Variants in ZBBX observed in about 807,000 individuals in gnomAD.
ZBBX encodes the protein zinc finger B-box domain-containing protein 1.
ZBBX carries 101 observed loss-of-function variants against 108.5 expected under a neutral mutation model. The ratio of observed to expected loss-of-function variants is 0.93; its 90% CI spans 0.79 to 1.10. The LOEUF (loss-of-function observed/expected upper bound fraction) is 1.10. Ranked by LOEUF, ZBBX falls within the 50% of genes least tolerant of loss-of-function variation. The pLI is 0.00. For synonymous variants in ZBBX, 356 were observed against 323.4 expected, an observed-to-expected ratio of 1.10 and a Z score of -1.08; for missense variants, 1,009 against 941.4, an observed-to-expected ratio of 1.07 and a Z score of -0.94.
At chr3:167,320,162 T>C (rs1037734443) in intron 12 of ZBBX, among the ~76,000 whole-genome samples, 36 of 145,638 alleles carry the variant, frequency 2.5e-4, no homozygotes, top group South Asian at 8.6e-4. Context: ...CAGTATTTTT[T>C]AGAAAAACAA....
chr3:167,340,101 C>A (rs934667759), intron 9 of ZBBX, among the ~76,000 whole-genome samples: 16 of 151,970 alleles, frequency 1.1e-4, no homozygotes, highest in Admixed American at 2.6e-4. Flanking sequence ...TCCAAAGAAA[C>A]CTGTACAGAT....
chr3:167,223,739 T>C, the ZBBX span, among the ~76,000 whole-genome samples: 1 of 152,054 alleles, frequency 6.6e-6, no homozygotes, highest in South Asian at 2.1e-4. Flanking sequence ...TTTATGTTTT[T>C]TCTGGTCCAG....
chr3:167,233,665 G>A, the ZBBX span, among the ~76,000 whole-genome samples: 1 of 151,728 alleles, frequency 6.6e-6, no homozygotes, highest in Non-Finnish European at 1.5e-5. Context: ...TCTTGAGTGG[G>A]TATCTCTACT....
At chr3:167,192,384 C>A in the ZBBX span, among the ~76,000 whole-genome samples, 1 of 152,010 alleles carries the variant, frequency 6.6e-6, no homozygotes, top group Non-Finnish European at 1.5e-5. Flanking sequence ...TCAGTGAGAC[C>A]TTTGCTGGGT....
chr3:167,345,410 G>T (rs12495122), intron 9 of ZBBX, among the ~76,000 whole-genome samples: 52,765 of 151,588 alleles, frequency 0.35, 9,862 homozygotes, highest in Non-Finnish European at 0.42. Context: ...TAAGAAATAA[G>T]TTAAAAATAT....
intron 18 of ZBBX, 83 bp downstream of exon 18, chr3:167,298,222 A>G: frequency 1.8e-6 from 2 of 1,134,128 alleles, no homozygotes; most frequent in Non-Finnish European, 2.4e-6. Context: ...CAAGAAGAAA[A>G]TGATTTTATC....
intron 1 of ZBBX, among the ~76,000 whole-genome samples, chr3:167,402,741 A>G (rs1409047121): frequency 6.6e-6 from 1 of 151,830 alleles, no homozygotes; most frequent in Non-Finnish European, 1.5e-5. Flanking sequence ...TAAAATAAGT[A>G]AGAAAAATTA....
the ZBBX span, among the ~76,000 whole-genome samples, chr3:167,196,536 C>T: frequency 6.6e-6 from 1 of 152,110 alleles, no homozygotes; most frequent in Non-Finnish European, 1.5e-5. Context: ...CTTATTTAAG[C>T]AGATGATTCT....
downstream of ZBBX, among the ~76,000 whole-genome samples, chr3:167,235,888 A>G (rs1424210541): frequency 6.6e-6 from 1 of 151,646 alleles, no homozygotes; most frequent in East Asian, 1.9e-4. Context: ...ACTAACAAAG[A>G]ATTATGTCTT....
chr3:167,402,415 T>A (rs774166483), intron 1 of ZBBX, among the ~76,000 whole-genome samples: 26 of 152,094 alleles, frequency 1.7e-4, no homozygotes, highest in Non-Finnish European at 1.3e-4. Context: ...CTTGGTGAAA[T>A]CTGAACAATC....
intron 8 of ZBBX, among the ~76,000 whole-genome samples, chr3:167,358,980 T>A (rs1436715983): frequency 6.8e-6 from 1 of 146,364 alleles, no homozygotes. Flanking sequence ...AATATGTCAC[T>A]TGTGAGAAAA....
At chr3:167,288,017 C>G (rs1730006295) in intron 19 of ZBBX, among the ~76,000 whole-genome samples, 1 of 152,070 alleles carries the variant, frequency 6.6e-6, no homozygotes, top group Non-Finnish European at 1.5e-5. Context: ...AAATAGCCCC[C>G]TTTCTCAGGT....
intron 9 of ZBBX, among the ~76,000 whole-genome samples, chr3:167,335,705 T>C (rs1279372124): frequency 1.3e-5 from 2 of 151,654 alleles, no homozygotes; most frequent in African/African-American, 4.8e-5. Context: ...TCTATTAAGA[T>C]TCATTGCAGT....
the ZBBX span, among the ~76,000 whole-genome samples, chr3:167,183,819 T>A: frequency 6.6e-6 from 1 of 152,200 alleles, no homozygotes; most frequent in African/African-American, 2.4e-5. Context: ...ATAGCCATCA[T>A]GAGCATGTCA....
chr3:167,398,931 A>G (rs1177372845), intron 1 of ZBBX, among the ~76,000 whole-genome samples: 4 of 152,078 alleles, frequency 2.6e-5, no homozygotes, highest in Non-Finnish European at 5.9e-5. Flanking sequence ...TACTGGATTA[A>G]TGGGTTATCA....
chr3:167,189,476 C>T, the ZBBX span, among the ~76,000 whole-genome samples: 2 of 152,058 alleles, frequency 1.3e-5, no homozygotes, highest in East Asian at 1.9e-4. Context: ...GCTAGACATG[C>T]ACACACTCAT....
chr3:167,383,464 T>C (rs1747811134), upstream of ZBBX, among the ~76,000 whole-genome samples: 1 of 152,080 alleles, frequency 6.6e-6, no homozygotes. Context: ...ATGATATAAA[T>C]ATATTTAAAT....
intron 12 of ZBBX, among the ~76,000 whole-genome samples, chr3:167,317,877 T>C (rs901672194): frequency 6.6e-6 from 1 of 152,024 alleles, no homozygotes; most frequent in African/African-American, 2.4e-5. Context: ...CAAGTCAGTG[T>C]TCTCTCAAAA....
intron 9 of ZBBX, among the ~76,000 whole-genome samples, chr3:167,349,703 C>T (rs1384644380): frequency 6.6e-6 from 1 of 151,974 alleles, no homozygotes; most frequent in Non-Finnish European, 1.5e-5. Context: ...CATTATTCAT[C>T]TCTATAAGGT....
Sources: gnomAD v4.1 joint callset for allele counts (sites outside exome capture counted in the v4.1 genomes callset) on GRCh38, gnomAD v4.1.1 for gene constraint, MANE v1.5 for transcripts, NCBI Gene and HGNC (gene_info 2026-07-23, HGNC 2026-07-21) for gene names.